ANO2: variants seen among roughly 807,000 people sequenced by gnomAD.
The protein encoded by ANO2 is anoctamin-2.
In ANO2, 101 loss-of-function variants were observed where a neutral mutation model predicts 124.2. The ratio of observed to expected loss-of-function variants is 0.81; its 90% CI spans 0.69 to 0.96. The LOEUF is 0.96. Ranked by LOEUF, ANO2 falls within the 40% of genes least tolerant of loss-of-function variation. The pLI, the probability that ANO2 is intolerant of heterozygous loss-of-function variation, is 0.00. For missense variants in ANO2, 1,293 were observed against 1,274.5 expected (o/e 1.01, Z -0.22); for synonymous variants, 486 against 482.5 (o/e 1.01, Z -0.09).
rs975675075 is a variant in ANO2, at chr12:5,795,047, G to T, written c.1055+4460C>A. Among the ~76,000 whole-genome samples, 3 of 146,136 alleles carry T rather than the reference G, an allele frequency of 2.1e-5. No homozygotes were observed. In the South Asian group the frequency reaches 6.4e-4, roughly 31 times the overall value. ...AGATGGCTCACAGTTCAGGAGGGTG[G>T]AAGCAGAGCCCAGAGACAAGGAGGG... On this transcript the variant is annotated intron_variant, in intron 10 of 24. Transcript: ENST00000682330.
intron 14 of ANO2, among the ~76,000 whole-genome samples, chr12:5,725,633 A>G (rs1213002367): frequency 6.6e-6 from 1 of 152,104 alleles, no homozygotes; most frequent in African/African-American, 2.4e-5. Flanking sequence ...TACTTCTTCT[A>G]TCTGCTTCAG....
chr12:5,702,652 G>T (rs1949452855), intron 14 of ANO2, among the ~76,000 whole-genome samples: 1 of 151,574 alleles, frequency 6.6e-6, no homozygotes, highest in Non-Finnish European at 1.5e-5. Flanking sequence ...TAAATTCCAA[G>T]TATTTCCAAG....
chr12:5,926,966 A>T (rs1942109078), intron 1 of ANO2, among the ~76,000 whole-genome samples: 1 of 152,232 alleles, frequency 6.6e-6, no homozygotes, highest in Admixed American at 6.5e-5. Context: ...GAAAAGATTA[A>T]CATTCCTTGG....
intron 3 of ANO2, among the ~76,000 whole-genome samples, chr12:5,866,101 C>T (rs920563286): frequency 6.6e-6 from 1 of 152,204 alleles, no homozygotes. Flanking sequence ...GCATATCCAA[C>T]CCTCTGCCAC....
chr12:5,874,603 G>C (rs1937961204), intron 3 of ANO2, among the ~76,000 whole-genome samples: 1 of 152,166 alleles, frequency 6.6e-6, no homozygotes, highest in South Asian at 2.1e-4. Context: ...TGGGCTCTCA[G>C]CTCTCTCCAA....
chr12:5,587,021 G>A (rs949105774), intron 20 of ANO2, among the ~76,000 whole-genome samples: 3 of 152,194 alleles, frequency 2.0e-5, no homozygotes, highest in African/African-American at 7.2e-5. Context: ...CCACAAGGAT[G>A]TCTGGAGAGT....
At chr12:5,789,110 G>A (rs1393272780) in intron 10 of ANO2, among the ~76,000 whole-genome samples, 2 of 152,240 alleles carry the variant, frequency 1.3e-5, no homozygotes, top group Non-Finnish European at 2.9e-5. Context: ...GATCACCGCA[G>A]GATGAACAAA....
chr12:5,612,356 G>A (rs972625783), intron 19 of ANO2, among the ~76,000 whole-genome samples: 1 of 152,116 alleles, frequency 6.6e-6, no homozygotes, highest in Non-Finnish European at 1.5e-5. Context: ...TACTCACTGA[G>A]AGGACAAATA....
intron 20 of ANO2, among the ~76,000 whole-genome samples, chr12:5,591,382 G>C (rs1565448327): frequency 6.6e-6 from 1 of 152,096 alleles, no homozygotes; most frequent in Non-Finnish European, 1.5e-5. Context: ...AATGGTTTGG[G>C]GCAAAGTCTA....
At chr12:5,645,446 TAC>T (rs527513611) in intron 15 of ANO2, among the ~76,000 whole-genome samples, 176 of 152,078 alleles carry the variant, frequency 1.2e-3, no homozygotes, top group African/African-American at 4.1e-3. Context: ...TGTGTGTGTG[TAC>T]ACATATATAT....
intron 14 of ANO2, among the ~76,000 whole-genome samples, chr12:5,689,444 G>A (rs1199686520): frequency 6.6e-6 from 1 of 152,100 alleles, no homozygotes; most frequent in African/African-American, 2.4e-5. Flanking sequence ...TGCCTTCTTG[G>A]TGAAATCTAG....
At chr12:5,890,227 C>T (rs974162737) in intron 3 of ANO2, among the ~76,000 whole-genome samples, 1 of 152,246 alleles carries the variant, frequency 6.6e-6, no homozygotes, top group African/African-American at 2.4e-5. Flanking sequence ...CTTGGAGGTG[C>T]TTGCAGCCTC....
chr12:5,757,911 C>G (rs966996642), intron 10 of ANO2, among the ~76,000 whole-genome samples: 1 of 152,138 alleles, frequency 6.6e-6, no homozygotes, highest in African/African-American at 2.4e-5. Flanking sequence ...AGTGTAATAA[C>G]TGGAAGCTTC....
At chr12:5,676,810 T>G (rs1428792045) in intron 14 of ANO2, among the ~76,000 whole-genome samples, 1 of 152,096 alleles carries the variant, frequency 6.6e-6, no homozygotes, top group Non-Finnish European at 1.5e-5. Flanking sequence ...TCCCAGCACT[T>G]TGGGAGGCCG....
At chr12:5,815,117 G>C (rs970920332) in intron 7 of ANO2, among the ~76,000 whole-genome samples, 7 of 152,096 alleles carry the variant, frequency 4.6e-5, no homozygotes, top group African/African-American at 1.7e-4. Context: ...CCAGAAACAA[G>C]AAAAAAATAA....
chr12:5,813,469 G>A lies in ANO2; in HGVS notation c.893-6101C>T, dbSNP rs536991317. Among the ~76,000 whole-genome samples, 707 of 152,296 alleles carry A rather than the reference G, an allele frequency of 4.6e-3. 5 individuals are homozygous for A. The highest frequency in any genetic ancestry group is 0.016 in the African/African-American group (678 of 41,550). The stretch of plus-strand genomic sequence containing the variant: ...TTCTGATTCAGCAAATGTGGCATGG[G>A]ACCTGGACAGCCAGGGTTTTAGCAA... On this transcript the variant is annotated intron_variant, in intron 7 of 24. Transcript: ENST00000682330.
At chr12:5,797,729 C>T (rs1477382488) in intron 10 of ANO2, among the ~76,000 whole-genome samples, 8 of 152,202 alleles carry the variant, frequency 5.3e-5, no homozygotes, top group Admixed American at 3.3e-4. Flanking sequence ...CTCCTTCCTC[C>T]TCTCCCTCCT....
intron 16 of ANO2, among the ~76,000 whole-genome samples, chr12:5,634,935 TG>T: frequency 6.6e-6 from 1 of 152,300 alleles, no homozygotes; most frequent in African/African-American, 2.4e-5. Flanking sequence ...CCAGAGGACT[TG>T]ATCAAGAACA....
chr12:5,616,496 G>T (rs2136911706), intron 16 of ANO2, among the ~76,000 whole-genome samples: 1 of 152,186 alleles, frequency 6.6e-6, no homozygotes, highest in Admixed American at 6.5e-5. Flanking sequence ...CAAGTATTAG[G>T]CTTATAGCAC....
Sources: allele counts gnomAD v4.1 joint callset (sites outside exome capture counted in the v4.1 genomes callset), GRCh38; gene constraint gnomAD v4.1.1; transcripts MANE v1.5; gene names NCBI Gene and HGNC (gene_info 2026-07-23, HGNC 2026-07-21).